Variants in VWA3B observed in about 807,000 individuals in gnomAD.
VWA3B encodes the protein von Willebrand factor A domain containing 3B, also known as von Willebrand factor A domain-containing protein 3B.
VWA3B carries 138 observed loss-of-function variants against 158.3 expected under a neutral mutation model. The ratio of observed to expected loss-of-function variants is 0.87; its 90% CI spans 0.76 to 1.00. The LOEUF (loss-of-function observed/expected upper bound fraction) is 1.00. Ranked by LOEUF, VWA3B falls within the 50% of genes least tolerant of loss-of-function variation. The pLI is 0.00. For missense variants in VWA3B, 1,555 were observed against 1,565.1 expected (o/e 0.99, Z 0.11); for synonymous variants, 596 against 587.3 (o/e 1.01, Z -0.21).
At chr2:98,205,857 T>C (rs1682972297) in intron 12 of VWA3B, among the ~76,000 whole-genome samples, 1 of 152,240 alleles carries the variant, frequency 6.6e-6, no homozygotes, top group African/African-American at 2.4e-5. Flanking sequence ...GTTATTAATT[T>C]CTATTTTGAT....
Position 98,119,530 on chromosome 2 carries a change from A to G in VWA3B, c.309A>G (p.Glu103=), listed in dbSNP as rs756462384. 7 of 1,613,690 alleles carry G rather than the reference A, an allele frequency of 4.3e-6. No homozygotes were observed. The highest frequency in any genetic ancestry group is 1.7e-5 in the Admixed American group (1 of 59,976). Residue 103 remains glutamate, a synonymous_variant, in exon 4 of 28, where the codon GAA becomes GAG. Coordinates refer to ENST00000477737, the MANE Select transcript of VWA3B (RefSeq NM_144992.5). ...TCATTAAGCTGACAGCTAAATCAGA[A>G]CTGATTTATCAGTTTGTGGAACATT... ...GRVYNLTAKS[E]LIYQFVEHLT...
In VWA3B at chr2:98,207,308, C is replaced by G. The variant is rs145699443; in HGVS notation, c.1738-4622C>G. On this transcript the variant is annotated intron_variant, in intron 12 of 27. Transcript: ENST00000477737. The stretch of plus-strand genomic sequence containing the variant: ...ACCACTGTGCTGCCCCATGCTGTCA[C>G]TGAGCTGGGCATCTATCTACATGTG... 4,468 of 488,040 alleles carry G rather than the reference C, an allele frequency of 9.2e-3. 47 individuals are homozygous for G. The highest frequency in any genetic ancestry group is 0.019 in the South Asian group (1,144 of 61,792). The allele number at this position is 488,040 out of a possible 1,614,324, so 30.2% of individuals were successfully genotyped here.
At chr2:98,274,129 T>TGGGATCTCCCA (rs1328798716) in intron 22 of VWA3B, among the ~76,000 whole-genome samples, 1 of 152,202 alleles carries the variant, frequency 6.6e-6, no homozygotes, top group East Asian at 1.9e-4. Context: ...TCTGTCTCCC[T>TGGGATCTCCCA]GGGATCTCCC....
chr2:98,276,281 C>T (rs1046153896), intron 22 of VWA3B, among the ~76,000 whole-genome samples: 6 of 152,204 alleles, frequency 3.9e-5, no homozygotes, highest in East Asian at 1.9e-4. Context: ...ATTACTGTCA[C>T]ACCCCGCAGA....
intron 8 of VWA3B, chr2:98,179,307 G>T (rs1046717549): frequency 5.1e-5 from 24 of 471,050 alleles, no homozygotes; most frequent in African/African-American, 4.6e-4. Flanking sequence ...ATGCTGGCTT[G>T]TCCCGCTCAG....
chr2:98,148,379 CTGTT>C (rs1419887944), intron 7 of VWA3B, among the ~76,000 whole-genome samples: 2 of 152,068 alleles, frequency 1.3e-5, no homozygotes, highest in African/African-American at 2.4e-5. Context: ...TGTAAACTGC[CTGTT>C]TGTCTATTAC....
intron 10 of VWA3B, among the ~76,000 whole-genome samples, chr2:98,191,122 T>A (rs1245659073): frequency 6.8e-6 from 1 of 147,192 alleles, no homozygotes; most frequent in Non-Finnish European, 1.5e-5. Context: ...TAATGTCTAA[T>A]GTACTATTAA....
At chr2:98,090,456 G>A (rs1034936699) in intron 1 of VWA3B, among the ~76,000 whole-genome samples, 2 of 152,174 alleles carry the variant, frequency 1.3e-5, no homozygotes, top group African/African-American at 2.4e-5. Flanking sequence ...TTATACATCA[G>A]CACAGTTGTT....
chr2:98,269,280 G>A (rs540814684), intron 21 of VWA3B: 3 of 152,228 alleles, frequency 2.0e-5, no homozygotes, highest in South Asian at 4.1e-4. Flanking sequence ...TTCTGGGGAT[G>A]TGTCTTCTCT....
chr2:98,136,640 C>G (rs978364100), intron 7 of VWA3B, among the ~76,000 whole-genome samples: 2 of 151,556 alleles, frequency 1.3e-5, no homozygotes, highest in African/African-American at 4.9e-5. Flanking sequence ...CTCCCTTCAG[C>G]CTCTTTTATA....
chr2:98,241,974 A>C (rs1686098348), intron 19 of VWA3B, among the ~76,000 whole-genome samples: 1 of 152,156 alleles, frequency 6.6e-6, no homozygotes, highest in South Asian at 2.1e-4. Context: ...ACAAAATAAT[A>C]ATCTCAAATA....
At chr2:98,295,950 CTCATTTCTGGAGATGAACA>C (rs1689778505) in intron 23 of VWA3B, among the ~76,000 whole-genome samples, 1 of 152,158 alleles carries the variant, frequency 6.6e-6, no homozygotes. Context: ...AGAAACTGTG[CTCATTTCTGGAGATGAACA>C]AAGACCCACA....
intron 6 of VWA3B, among the ~76,000 whole-genome samples, chr2:98,129,131 T>C (rs1675614776): frequency 6.6e-6 from 1 of 152,164 alleles, no homozygotes; most frequent in Non-Finnish European, 1.5e-5. Flanking sequence ...TGGTGAGGTC[T>C]CTCTCCCCGC....
At chr2:98,272,656 C>G (rs1688273520) in intron 22 of VWA3B, among the ~76,000 whole-genome samples, 1 of 152,114 alleles carries the variant, frequency 6.6e-6, no homozygotes, top group South Asian at 2.1e-4. Context: ...AACAAAGACA[C>G]ACAAAGAACA....
chr2:98,178,766 T>A (rs1173890912), intron 8 of VWA3B, among the ~76,000 whole-genome samples: 4 of 152,146 alleles, frequency 2.6e-5, no homozygotes, highest in African/African-American at 9.7e-5. Flanking sequence ...ATCTAGTGGA[T>A]GGGACTCAGG....
chr2:98,247,742 T>G (rs1574189465), intron 19 of VWA3B, among the ~76,000 whole-genome samples: 2 of 152,132 alleles, frequency 1.3e-5, no homozygotes, highest in East Asian at 1.9e-4. Context: ...ATGATGTGTC[T>G]ATGTGTGGAT....
chr2:98,276,817 C>T (rs1355061736), intron 22 of VWA3B, among the ~76,000 whole-genome samples: 2 of 152,188 alleles, frequency 1.3e-5, no homozygotes, highest in East Asian at 1.9e-4. Context: ...CTCCAGGGTG[C>T]GTTATGGAGT....
At chr2:98,225,706 A>G (rs1684871531) in intron 14 of VWA3B, among the ~76,000 whole-genome samples, 1 of 89,954 alleles carries the variant, frequency 1.1e-5, no homozygotes, top group Non-Finnish European at 3.2e-5. Context: ...GGAGATCTAC[A>G]AAAAAAAAAA....
In VWA3B at chr2:98,236,541, A is replaced by G. The variant is rs1047041980; in HGVS notation, c.2517-33A>G. On this transcript the variant is annotated intron_variant, in intron 18 of 27. Transcript: ENST00000477737. ...TTCTGTTGGTTAACCATCAAGTTGTAAATTTTAAAACACCACCTCCTTGTG... is the reference window on the plus strand; with the variant it reads ...TTCTGTTGGTTAACCATCAAGTTGTGAATTTTAAAACACCACCTCCTTGTG... 2.5e-6 allele frequency: 4 copies of G among 1,613,726 alleles called. No individual in the cohort carries two copies. In the African/African-American group the frequency reaches 5.3e-5, roughly 22 times the overall value.
Sources: allele counts gnomAD v4.1 joint callset (sites outside exome capture counted in the v4.1 genomes callset), GRCh38; gene constraint gnomAD v4.1.1; transcripts MANE v1.5; gene names NCBI Gene and HGNC (gene_info 2026-07-23, HGNC 2026-07-21).